Variants in CPS1 observed in about 807,000 individuals in gnomAD.
CPS1 encodes the protein carbamoyl-phosphate synthase 1, also known as carbamoyl-phosphate synthase [ammonia], mitochondrial.
CPS1 carries 109 observed loss-of-function variants against 174.6 expected under a neutral mutation model. The observed-to-expected ratio is 0.62, with a 90% CI of 0.53 to 0.73. CPS1 has a LOEUF of 0.73. Among genes scored for constraint, CPS1 ranks in the 30% least tolerant of loss-of-function variants. The pLI, the probability that CPS1 is intolerant of heterozygous loss-of-function variation, is 0.00. For synonymous variants in CPS1, 637 were observed against 632.0 expected, an observed-to-expected ratio of 1.01 and a Z score of -0.12; for missense variants, 1,689 against 1,821.9, an observed-to-expected ratio of 0.93 and a Z score of 1.33.
intron 12 of CPS1, among the ~76,000 whole-genome samples, chr2:210,595,047 A>T (rs551322361): frequency 2.0e-5 from 3 of 151,870 alleles, no homozygotes; most frequent in Non-Finnish European, 4.4e-5. Flanking sequence ...AATGGACAAG[A>T]ATATAACACT....
In CPS1 at chr2:210,616,491, T is replaced by G; in HGVS notation, c.2637T>G (p.Tyr879Ter). 1 of 1,612,308 alleles carries G rather than the reference T, an allele frequency of 6.2e-7. No individual in the cohort carries two copies. The highest frequency in any genetic ancestry group is 8.5e-7 in the Non-Finnish European group (1 of 1,178,736). ...CATACATTGACAAGTGGTTTTTGTA[T>G]AAGATGCGTGATATTTTAAACATGG... ...KLTYIDKWFL[Y>*]KMRDILNMEK... The change falls in exon 21 of 38, where the codon TAT becomes TAG. Residue 879 changes from tyrosine to a stop codon, truncating the protein, a stop_gained. Coordinates refer to ENST00000233072, the MANE Select transcript of CPS1 (RefSeq NM_001875.5). LOFTEE classifies it high-confidence loss of function.
intron 1 of CPS1, among the ~76,000 whole-genome samples, chr2:210,519,307 C>T (rs772338357): frequency 6.6e-6 from 1 of 152,018 alleles, no homozygotes; most frequent in Non-Finnish European, 1.5e-5. Flanking sequence ...AATGAATAGA[C>T]TATGTGCATC....
At chr2:210,536,425 A>T (rs544439161) in intron 1 of CPS1, among the ~76,000 whole-genome samples, 3 of 147,460 alleles carry the variant, frequency 2.0e-5, no homozygotes, top group Non-Finnish European at 4.4e-5. Flanking sequence ...GGTTCACGCC[A>T]TTCTCCTGCC....
chr2:210,663,218 G>A (rs761346327), intron 33 of CPS1, 21 bp downstream of exon 33: 27 of 1,599,384 alleles, frequency 1.7e-5, no homozygotes, highest in Non-Finnish European at 4.3e-6. Context: ...AATAATCCAT[G>A]GAAGCTTTCA....
At chr2:210,507,268 A>G (rs1367930333) in intron 1 of CPS1, among the ~76,000 whole-genome samples, 1 of 152,202 alleles carries the variant, frequency 6.6e-6, no homozygotes, top group African/African-American at 2.4e-5. Flanking sequence ...TTTCTTATCC[A>G]GTGAAACTAA....
At chr2:210,661,139 T>C (rs1307836308) in intron 32 of CPS1, among the ~76,000 whole-genome samples, 2 of 152,232 alleles carry the variant, frequency 1.3e-5, no homozygotes, top group Non-Finnish European at 2.9e-5. Context: ...GCTGTTGCTG[T>C]ATATGGTGCT....
chr2:210,659,549 C>T (rs1489251236), intron 31 of CPS1, among the ~76,000 whole-genome samples: 1 of 152,172 alleles, frequency 6.6e-6, no homozygotes, highest in Admixed American at 6.5e-5. Context: ...CATGGCCACA[C>T]TGGGGACCAA....
chr2:210,588,184 C>T (rs370984582), intron 7 of CPS1, 37 bp downstream of exon 7: 3 of 1,552,000 alleles, frequency 1.9e-6, no homozygotes, highest in Admixed American at 1.7e-5. Context: ...GAGGGTTTGT[C>T]ATATTGACCA....
At chr2:210,615,144 ACCT>A (rs757987019) in intron 20 of CPS1, among the ~76,000 whole-genome samples, 6 of 151,018 alleles carry the variant, frequency 4.0e-5, no homozygotes, top group Non-Finnish European at 7.4e-5. Context: ...TTGTGTGAAA[ACCT>A]CCTTTGATCT....
intron 20 of CPS1, among the ~76,000 whole-genome samples, chr2:210,613,758 A>G (rs1252046893): frequency 6.6e-6 from 1 of 151,986 alleles, no homozygotes; most frequent in Non-Finnish European, 1.5e-5. Flanking sequence ...ATAAAAGATG[A>G]GAATCTGGGA....
At chr2:210,507,354 C>T (rs1466641264) in intron 1 of CPS1, among the ~76,000 whole-genome samples, 1 of 152,138 alleles carries the variant, frequency 6.6e-6, no homozygotes. Context: ...ACCAGGCCTG[C>T]CCTAAAAGAG....
intron 35 of CPS1, among the ~76,000 whole-genome samples, chr2:210,675,366 A>G (rs1312010582): frequency 1.3e-5 from 2 of 152,240 alleles, no homozygotes; most frequent in African/African-American, 2.4e-5. Flanking sequence ...CCCAAGGCTT[A>G]TGATGGGCCT....
At chr2:210,518,628 T>G (rs1695742374) in intron 1 of CPS1, among the ~76,000 whole-genome samples, 1 of 151,946 alleles carries the variant, frequency 6.6e-6, no homozygotes, top group Non-Finnish European at 1.5e-5. Flanking sequence ...AGGAACAGGG[T>G]CTCATTCTGT....
chr2:210,537,120 GAT>G (rs1696277145), intron 1 of CPS1, among the ~76,000 whole-genome samples: 1 of 152,148 alleles, frequency 6.6e-6, no homozygotes, highest in Admixed American at 6.5e-5. Context: ...GCTCCAGAAT[GAT>G]ATTATATATT....
In CPS1 at chr2:210,573,407, G is replaced by A. The variant is rs1265394565; in HGVS notation, c.236G>A (p.Gly79Glu). 6.2e-7 allele frequency: 1 copy of A among 1,602,988 alleles called. No individual in the cohort carries two copies. The highest frequency in any genetic ancestry group is 8.5e-7 in the Non-Finnish European group (1 of 1,170,096). The change falls in exon 2 of 38, where the codon GGG (glycine) becomes GAG (glutamate). Residue 79 changes from glycine (G) to glutamate (E), a missense_variant and splice_region_variant. Gly to Glu is a moderately conservative substitution (Grantham distance 98, BLOSUM62 -2). Transcript: ENST00000233072. ...GEVVFNTGLG[G>E]YPEAITDPAY... Reference sequence around the variant, plus strand: ...GTGGTTTTTAATACTGGCCTGGGAGGGTGAGTAATGCTTTTCCAAGGCTTT... The same window carrying A: ...GTGGTTTTTAATACTGGCCTGGGAGAGTGAGTAATGCTTTTCCAAGGCTTT...
At chr2:210,563,160 C>T (rs1697161183) in intron 1 of CPS1, among the ~76,000 whole-genome samples, 1 of 152,064 alleles carries the variant, frequency 6.6e-6, no homozygotes. Context: ...ATACCCGATG[C>T]CATAGTTGTG....
At chr2:210,597,330 G>A (rs1698521218) in intron 13 of CPS1, among the ~76,000 whole-genome samples, 1 of 151,722 alleles carries the variant, frequency 6.6e-6, no homozygotes, top group South Asian at 2.1e-4. Context: ...AAGAGCATAG[G>A]ATTTGAATCA....
At chr2:210,645,610 C>T (rs1415273290) in intron 25 of CPS1, among the ~76,000 whole-genome samples, 2 of 152,030 alleles carry the variant, frequency 1.3e-5, no homozygotes, top group Non-Finnish European at 2.9e-5. Flanking sequence ...GCCTGGACCC[C>T]ATCTCTACTA....
At chr2:210,673,619 C>G (rs1701395846) in intron 34 of CPS1, 1 of 152,054 alleles carries the variant, frequency 6.6e-6, no homozygotes, top group South Asian at 2.1e-4. Context: ...TGCTTGGAAA[C>G]TAGGATGTAA....
Sources: allele counts gnomAD v4.1 joint callset (sites outside exome capture counted in the v4.1 genomes callset), GRCh38; gene constraint gnomAD v4.1.1; transcripts MANE v1.5; gene names NCBI Gene and HGNC (gene_info 2026-07-23, HGNC 2026-07-21).